The following ZNF106 variants were observed in gnomAD, a reference collection of about 807,000 sequenced individuals.
ZNF106 encodes zinc finger protein 106, also known as SH3-domain binding protein 3.
ZNF106 carries 67 observed loss-of-function variants against 195.1 expected under a neutral mutation model. That is an observed-to-expected ratio of 0.34 (90% CI 0.28 to 0.42). The LOEUF (loss-of-function observed/expected upper bound fraction) is 0.42, where lower values mean the gene tolerates loss of function less well. ZNF106 is among the 10% of genes least tolerant of loss of function. ZNF106 has a pLI of 1.00. For synonymous variants in ZNF106, 784 were observed against 818.6 expected, an observed-to-expected ratio of 0.96 and a Z score of 0.72; for missense variants, 2,118 against 2,304.5, an observed-to-expected ratio of 0.92 and a Z score of 1.66.
Position 42,417,873 on chromosome 15 carries a change from A to G in ZNF106, c.5596T>C (p.Phe1866Leu). The G allele has an allele frequency of 1.9e-6, 3 of 1,614,124 alleles. No individual in the cohort carries two copies. Among genetic ancestry groups the G allele is most frequent in the Non-Finnish European group, 2.5e-6 (3 of 1,179,982 alleles). The change falls in exon 21 of 22, where the codon TTC becomes CTC. Residue 1866 changes from phenylalanine to leucine, a missense_variant. Phe to Leu is a conservative substitution (Grantham distance 22, BLOSUM62 0). Coordinates refer to ENST00000564754, the MANE Select transcript of ZNF106 (RefSeq NM_001366845.3). The part of the protein sequence containing the change: ...HLLTDHTNPN[F>L]QTLKCRWKNC... ...TTCCAGCGACATTTCAGAGTCTGGA[A>G]GTTGGGATTAGTGTGGTCGGTCAGC...
chr15:42,477,055 C>T (rs2056800808), intron 1 of ZNF106, among the ~76,000 whole-genome samples: 1 of 152,144 alleles, frequency 6.6e-6, no homozygotes. Flanking sequence ...GCCCCCAACC[C>T]TTGAGCTGTT....
Position 42,439,778 on chromosome 15 carries a change from T to C in ZNF106, c.3799A>G (p.Ile1267Val). The C allele has an allele frequency of 6.3e-7, 1 of 1,585,734 alleles. No individual in the cohort carries two copies. Among genetic ancestry groups the C allele is most frequent in the East Asian group, 2.2e-5 (1 of 44,738 alleles). Residue 1267 changes from isoleucine (I) to valine (V), a missense_variant, in exon 11 of 22, where the codon ATC (isoleucine) becomes GTC (valine). By Grantham distance (29) the Ile-to-Val change is conservative. Coordinates refer to ENST00000564754, the MANE Select transcript of ZNF106 (RefSeq NM_001366845.3). ...ISDSCPVYPV[I>V]TARLSLPEST... ...TCTGGTAAGGACAATCTAGCAGTGATGACTGGATAAACTGGACAACTGTCA... is the reference window on the plus strand; with the variant it reads ...TCTGGTAAGGACAATCTAGCAGTGACGACTGGATAAACTGGACAACTGTCA...
intron 4 of ZNF106, among the ~76,000 whole-genome samples, chr15:42,454,890 C>T (rs1294960794): frequency 1.3e-5 from 2 of 150,500 alleles, no homozygotes; most frequent in African/African-American, 2.4e-5. Context: ...CAGACCGACA[C>T]CCTGTCTCAA....
chr15:42,450,285 T>C lies in ZNF106; in HGVS notation c.1987A>G (p.Thr663Ala), dbSNP rs550279991. 3.7e-6 allele frequency: 6 copies of C among 1,614,182 alleles called. No homozygotes were observed. The highest frequency in any genetic ancestry group is 1.6e-4 in the Middle Eastern group (1 of 6,062). The change falls in exon 5 of 22, where the codon ACT (threonine) becomes GCT (alanine). Residue 663 changes from threonine (T) to alanine (A), a missense_variant. Physicochemically the swap from Thr to Ala is moderately conservative, Grantham distance 58. Transcript: ENST00000564754. ...CGAACTATGGGATTACATGGGGAAG[T>C]GGATAGCTCTCTAGAAGTCTTCAGG... is the stretch of plus-strand genomic sequence containing the variant. Reference protein sequence around the residue: ...RILKTSRELSTSPCNPIVRQK... With the variant: ...RILKTSRELSASPCNPIVRQK...
At position 42,457,168 on chromosome 15, in the gene ZNF106, G is replaced by C. The variant is rs1234739483; in HGVS notation, c.117-10C>G. The C allele has an allele frequency of 5.6e-6, 9 of 1,614,172 alleles. No individual in the cohort carries two copies. In the East Asian group the frequency reaches 1.8e-4, roughly 32 times the overall value. ...CTCATGACTAATGTCCCTAGGGAAA[G>C]AGGGAGATGAGGGACATTCAATTCT... On this transcript the variant is annotated splice_polypyrimidine_tract_variant and intron_variant, in intron 3 of 21. Transcript: ENST00000564754.
chr15:42,439,245 C>T lies in ZNF106; in HGVS notation c.4332G>A (p.Ser1444=), dbSNP rs2055404513. 4.3e-6 allele frequency: 7 copies of T among 1,614,158 alleles called. No homozygotes were observed. Among genetic ancestry groups the T allele is most frequent in the South Asian group, 3.3e-5 (3 of 91,078 alleles). The part of the protein sequence containing the change: ...ESVRDEPDSD[S]SLEVLEIPNP... ...TAGGAATTTCTAGGACTTCCAGAGA[C>T]GAGTCACTATCTGGCTCATCTCTGA... Residue 1444 remains serine (S), a synonymous_variant, in exon 11 of 22, where the codon TCG becomes TCA. Coordinates refer to ENST00000564754, the MANE Select transcript of ZNF106 (RefSeq NM_001366845.3).
rs2056003086 is a variant in ZNF106 at position 42,451,049 on chromosome 15, A to G, written c.1223T>C (p.Ile408Thr). Residue 408 changes from isoleucine (I) to threonine (T), a missense_variant, in exon 5 of 22, where the codon ATA (isoleucine) becomes ACA (threonine). Transcript: ENST00000564754. ...IEKPLFDFSLITTGIQEPQTD... is the reference protein window; with the variant it reads ...IEKPLFDFSLTTTGIQEPQTD... ...TTGGGGCTCCTGTATTCCTGTAGTT[A>G]TCAAGCTAAAATCAAAGAGAGGTTT... 1.2e-6 allele frequency: 2 copies of G among 1,614,198 alleles called. No individual in the cohort carries two copies. Among genetic ancestry groups the G allele is most frequent in the Admixed American group, 3.3e-5 (2 of 60,020 alleles).
chr15:42,489,466 C>T (rs555753829), intron 1 of ZNF106, among the ~76,000 whole-genome samples: 1 of 151,964 alleles, frequency 6.6e-6, no homozygotes, highest in East Asian at 1.9e-4. Flanking sequence ...CGTGAGCCAT[C>T]GCGCCTGGCC....
At chr15:42,436,121 T>C (rs1162950757) in intron 13 of ZNF106, among the ~76,000 whole-genome samples, 1 of 152,038 alleles carries the variant, frequency 6.6e-6, no homozygotes, top group African/African-American at 2.4e-5. Flanking sequence ...CCCCGGCTAA[T>C]TTTTTGTATT....
chr15:42,444,348 CA>C (rs2055682214), intron 8 of ZNF106, 86 bp from the exon 9 acceptor site: 3 of 1,059,186 alleles, frequency 2.8e-6, no homozygotes, highest in Non-Finnish European at 4.3e-6. Context: ...ATGTCCTGAC[CA>C]AAAATCAGAG....
chr15:42,422,383 C>T lies in ZNF106; in HGVS notation c.5373+118G>A, dbSNP rs1440983425. 5 of 1,319,696 alleles carry T rather than the reference C, an allele frequency of 3.8e-6. No individual in the cohort carries two copies. The Admixed American group carries it at 9.5e-5, about 25-fold the overall frequency. The allele number at this position is 1,319,696 out of a possible 1,614,324, so 81.7% of individuals were successfully genotyped here. A position where few individuals can be genotyped will look rare whatever the true frequency, so the allele number is the denominator to read the frequency against. ...AGCTGTTTCATAATTATCTAGAATG[C>T]TTGTGAAAATACAGATTCCTGGGTT... On this transcript the variant is annotated intron_variant, in intron 18 of 21. Transcript: ENST00000564754.
intron 1 of ZNF106, among the ~76,000 whole-genome samples, chr15:42,488,234 C>T (rs970206408): frequency 6.6e-6 from 1 of 152,114 alleles, no homozygotes; most frequent in East Asian, 1.9e-4. Flanking sequence ...ATATGCAATA[C>T]ATAATATTTT....
At chr15:42,461,458 C>T (rs542799874) in intron 3 of ZNF106, among the ~76,000 whole-genome samples, 5 of 152,240 alleles carry the variant, frequency 3.3e-5, no homozygotes, top group Non-Finnish European at 5.9e-5. Context: ...TTAAGATACT[C>T]TCTCCATAAG....
At chr15:42,485,146 C>T (rs2056984373) in intron 1 of ZNF106, among the ~76,000 whole-genome samples, 1 of 152,048 alleles carries the variant, frequency 6.6e-6, no homozygotes, top group Non-Finnish European at 1.5e-5. Flanking sequence ...TGAGACCTTA[C>T]CTCAGAAAAA....
At chr15:42,421,293 T>G (rs1782430427) in intron 19 of ZNF106, among the ~76,000 whole-genome samples, 161 bp from the exon 20 acceptor site, 1 of 152,200 alleles carries the variant, frequency 6.6e-6, no homozygotes, top group South Asian at 2.1e-4. Flanking sequence ...TTTCCAGATC[T>G]TCTAGTCTAG....
At chr15:42,467,411 G>A (rs1334555804) in intron 2 of ZNF106, among the ~76,000 whole-genome samples, 5 of 152,204 alleles carry the variant, frequency 3.3e-5, no homozygotes, top group Non-Finnish European at 5.9e-5. Context: ...AGAATGCAGA[G>A]AAGTTACCTC....
chr15:42,447,492 A>G (rs959767772), intron 6 of ZNF106, among the ~76,000 whole-genome samples: 1 of 152,260 alleles, frequency 6.6e-6, no homozygotes, highest in Non-Finnish European at 1.5e-5. Context: ...GGTTAAGCCA[A>G]TATTAGCGGC....
intron 1 of ZNF106, among the ~76,000 whole-genome samples, chr15:42,480,913 A>T (rs1227685171): frequency 6.6e-6 from 1 of 152,184 alleles, no homozygotes; most frequent in Non-Finnish European, 1.5e-5. Context: ...TGAACCCAGG[A>T]GGCAGAGGTT....
chr15:42,470,636 T>C (rs2056645484), intron 2 of ZNF106, among the ~76,000 whole-genome samples: 1 of 152,162 alleles, frequency 6.6e-6, no homozygotes, highest in Admixed American at 6.6e-5. Flanking sequence ...AAAAGTATGT[T>C]TGAAACCAGA....
Sources: allele counts gnomAD v4.1 joint callset (sites outside exome capture counted in the v4.1 genomes callset), GRCh38; gene constraint gnomAD v4.1.1; transcripts MANE v1.5; gene names NCBI Gene and HGNC (gene_info 2026-07-23, HGNC 2026-07-21).